The following FRMD4B variants were observed in gnomAD, a reference collection of about 807,000 sequenced individuals.
FRMD4B encodes FERM domain containing 4B, also known as FERM domain-containing protein 4B.
In FRMD4B, 74 loss-of-function variants were observed where a neutral mutation model predicts 141.5. The ratio of observed to expected loss-of-function variants is 0.52; its 90% CI spans 0.43 to 0.63. The LOEUF (loss-of-function observed/expected upper bound fraction) is 0.63, where lower values mean the gene tolerates loss of function less well. Ranked by LOEUF, FRMD4B falls within the 30% of genes least tolerant of loss-of-function variation. The pLI is 0.00. For missense variants in FRMD4B, 1,366 were observed against 1,253.4 expected, an observed-to-expected ratio of 1.09 and a Z score of -1.36; for synonymous variants, 506 against 467.9, an observed-to-expected ratio of 1.08 and a Z score of -1.05.
intron 5 of FRMD4B, among the ~76,000 whole-genome samples, chr3:69,285,848 A>C (rs1254846630): frequency 6.6e-6 from 1 of 152,164 alleles, no homozygotes; most frequent in Non-Finnish European, 1.5e-5. Context: ...CATCTCAAAA[A>C]GAAAAAAAAA....
intron 1 of FRMD4B, among the ~76,000 whole-genome samples, chr3:69,447,538 G>A (rs1189602208): frequency 6.6e-6 from 1 of 152,162 alleles, no homozygotes; most frequent in Non-Finnish European, 1.5e-5. Context: ...CCACAATCAA[G>A]ATATGGAATA....
chr3:69,429,578 C>T (rs1244452365), intron 2 of FRMD4B, among the ~76,000 whole-genome samples: 2 of 152,024 alleles, frequency 1.3e-5, no homozygotes, highest in Admixed American at 6.6e-5. Flanking sequence ...ATCAAAATAA[C>T]ATATGTATCC....
At chr3:69,455,061 A>G (rs1705570932) in intron 1 of FRMD4B, among the ~76,000 whole-genome samples, 1 of 152,224 alleles carries the variant, frequency 6.6e-6, no homozygotes, top group South Asian at 2.1e-4. Flanking sequence ...AGGATTGTAA[A>G]TACACCAATC....
At chr3:69,265,151 A>G (rs202044130) in intron 5 of FRMD4B, among the ~76,000 whole-genome samples, 1 of 146,510 alleles carries the variant, frequency 6.8e-6, no homozygotes. Context: ...GCTACTCGGG[A>G]GGCTGAGGCA....
At chr3:69,460,224 G>A (rs150542398) in intron 1 of FRMD4B, among the ~76,000 whole-genome samples, 19 of 152,276 alleles carry the variant, frequency 1.2e-4, no homozygotes, top group East Asian at 7.7e-4. Flanking sequence ...TGAAAGTTAC[G>A]ATGCCAGATG....
intron 1 of FRMD4B, among the ~76,000 whole-genome samples, chr3:69,358,600 G>A (rs1703389103): frequency 6.6e-6 from 1 of 152,152 alleles, no homozygotes; most frequent in African/African-American, 2.4e-5. Context: ...GCCAAGTGTG[G>A]TGGCATGCGC....
intron 2 of FRMD4B, among the ~76,000 whole-genome samples, chr3:69,410,637 C>G (rs551860062): frequency 6.7e-6 from 1 of 149,966 alleles, no homozygotes; most frequent in Admixed American, 6.7e-5. Flanking sequence ...ATTTTACCTA[C>G]GGGTTCAGCA....
chr3:69,224,711 G>T, intron 7 of FRMD4B, 21 bp from the exon 8 acceptor site: 1 of 1,176,622 alleles, frequency 8.5e-7, no homozygotes, highest in Non-Finnish European at 1.2e-6. Context: ...ATGGAATATG[G>T]TAATGTCAGG....
At chr3:69,317,754 CAAAAA>C (rs765280161) in intron 1 of FRMD4B, among the ~76,000 whole-genome samples, 179 of 52,608 alleles carry the variant, frequency 3.4e-3, no homozygotes, top group Middle Eastern at 0.014. Flanking sequence ...GACACCAACT[CAAAAA>C]AAAAAAAAAA....
In FRMD4B at chr3:69,313,453, T is replaced by G. The variant is rs1358829348; in HGVS notation, c.227A>C (p.Gln76Pro). 1 of 1,567,174 alleles carries G rather than the reference T, an allele frequency of 6.4e-7. No homozygotes were observed. Among genetic ancestry groups the G allele is most frequent in the African/African-American group, 1.4e-5 (1 of 73,760 alleles). The change falls in exon 2 of 23, where the codon CAG (glutamine) becomes CCG (proline). Residue 76 changes from glutamine (Q) to proline (P), a missense_variant and splice_region_variant. Coordinates refer to ENST00000398540, the MANE Select transcript of FRMD4B (RefSeq NM_015123.3). The stretch of plus-strand genomic sequence containing the variant: ...AACACACATGTGGGCCACACCTACC[T>G]GAACCAGCAGCTCCAGTCTCCTATC... ...LDDRRLELLV[Q>P]PKLLARELLD...
In FRMD4B at chr3:69,209,665, A is replaced by G. The variant is rs375398190; in HGVS notation, c.876+6598T>C. ...GTTCTCCTCCCACTGACTCTGCAGA[A>G]GGTTTTAACAATCAGATTGATTACT... On this transcript the variant is annotated intron_variant, in intron 11 of 22. Transcript: ENST00000398540. 1.6e-4 allele frequency among the ~76,000 whole-genome samples: 24 copies of G among 152,376 alleles called. No individual in the cohort carries two copies. The East Asian group carries it at 2.3e-3, about 15-fold the overall frequency.
rs1471138505 is a variant in FRMD4B at position 69,302,351 on chromosome 3, A to C, written c.408T>G (p.Phe136Leu). 12 of 1,590,250 alleles carry C rather than the reference A, an allele frequency of 7.5e-6. No individual in the cohort carries two copies. Among genetic ancestry groups the C allele is most frequent in the Non-Finnish European group, 1.0e-5 (12 of 1,160,104 alleles). The change falls in exon 4 of 23, where the codon TTT (phenylalanine) becomes TTG (leucine). Residue 136 changes from phenylalanine (F) to leucine (L), a missense_variant. By Grantham distance (22) the Phe-to-Leu change is conservative. Transcript: ENST00000398540. ...PKKPGPTILH[F>L]AVRFYIESIS... Reference sequence around the variant, plus strand: ...GGTCTGTGGATACATACCTCACAGCAAAGTGCAAAATGGTTGGGCCTGGTT... The same window carrying C: ...GGTCTGTGGATACATACCTCACAGCCAAGTGCAAAATGGTTGGGCCTGGTT...
chr3:69,276,060 CTA>C (rs2093616606), intron 5 of FRMD4B, among the ~76,000 whole-genome samples: 1 of 152,072 alleles, frequency 6.6e-6, no homozygotes, highest in Admixed American at 6.6e-5. Flanking sequence ...GAAGGCTAGC[CTA>C]TTCTTGTCAA....
chr3:69,249,055 G>A (rs1575656513), intron 7 of FRMD4B, among the ~76,000 whole-genome samples, 171 bp downstream of exon 7: 1 of 152,148 alleles, frequency 6.6e-6, no homozygotes, highest in Non-Finnish European at 1.5e-5. Context: ...ATCATTCCCT[G>A]ATTCATTCAC....
chr3:69,491,279 T>G (rs1575589354), intron 1 of FRMD4B, among the ~76,000 whole-genome samples: 1 of 152,190 alleles, frequency 6.6e-6, no homozygotes, highest in Non-Finnish European at 1.5e-5. Context: ...TAGCTTATTG[T>G]GGAGTTTGTC....
chr3:69,353,524 T>TA (rs200277978), intron 1 of FRMD4B: 461 of 941,916 alleles, frequency 4.9e-4, no homozygotes, highest in Non-Finnish European at 5.4e-4. Context: ...TGGAAGATCA[T>TA]AAAAAAAAAT....
chr3:69,540,648 T>A (rs1469511610), intron 1 of FRMD4B, among the ~76,000 whole-genome samples: 119 of 74,856 alleles, frequency 1.6e-3, no homozygotes, highest in Non-Finnish European at 2.2e-3. Flanking sequence ...TATATATATA[T>A]ATATATATAT....
chr3:69,479,899 T>C lies in FRMD4B; in HGVS notation c.-128-47138A>G, dbSNP rs536444819. Among the ~76,000 whole-genome samples the C allele has an allele frequency of 3.3e-5, 5 of 152,282 alleles. No homozygotes were observed. In the South Asian group the frequency reaches 1.0e-3, roughly 32 times the overall value. Reference sequence around the variant, plus strand: ...AGTCCCATATTTCTTGGAGGCTTTGTTCGTTTCTTTTTATTCTTTTTTCTC... The same window carrying C: ...AGTCCCATATTTCTTGGAGGCTTTGCTCGTTTCTTTTTATTCTTTTTTCTC... On this transcript the variant is annotated intron_variant, in intron 1 of 5. Coordinates refer to the FRMD4B transcript ENST00000459638.
chr3:69,520,422 GAT>G (rs59416296), intron 1 of FRMD4B, among the ~76,000 whole-genome samples: 4 of 134,714 alleles, frequency 3.0e-5, no homozygotes, highest in South Asian at 2.3e-4. Flanking sequence ...TTTTTTCTGT[GAT>G]ATATATATAT....
Sources: gnomAD v4.1 joint callset for allele counts (sites outside exome capture counted in the v4.1 genomes callset) on GRCh38, gnomAD v4.1.1 for gene constraint, MANE v1.5 for transcripts, NCBI Gene and HGNC (gene_info 2026-07-23, HGNC 2026-07-21) for gene names.